The following PFKFB3 variants were observed in gnomAD, a reference collection of about 807,000 sequenced individuals.
The protein encoded by PFKFB3 is 6-phosphofructo-2-kinase/fructose-2,6-biphosphatase 3.
In PFKFB3, 33 loss-of-function variants were observed where a neutral mutation model predicts 68.0. The ratio of observed to expected loss-of-function variants is 0.49; its 90% confidence interval spans 0.37 to 0.65. PFKFB3 has a LOEUF of 0.65. PFKFB3 is among the 30% of genes least tolerant of loss of function. PFKFB3 has a pLI of 0.00. For missense variants in PFKFB3, 586 were observed against 712.2 expected (o/e 0.82, Z 2.02); for synonymous variants, 315 against 288.2 (o/e 1.09, Z -0.94).
At chr10:6,200,132 C>T (rs1243778061), upstream of PFKFB3, among the ~76,000 whole-genome samples, 1 of 152,172 alleles carries the variant, frequency 6.6e-6, no homozygotes, top group Non-Finnish European at 1.5e-5. Context: ...TCTCAACTCC[C>T]TTTACTTCTT....
At chr10:6,222,587 T>G in intron 10 of PFKFB3, 1 of 259,016 alleles carries the variant, frequency 3.9e-6, no homozygotes, top group Non-Finnish European at 7.5e-6. Flanking sequence ...GTCAGTGGAG[T>G]CAGATGCCAC....
At chr10:6,174,806 G>T (rs2131755794) in intron 1 of PFKFB3, among the ~76,000 whole-genome samples, 1 of 143,246 alleles carries the variant, frequency 7.0e-6, no homozygotes, top group East Asian at 2.1e-4. Context: ...CTTCTACTTT[G>T]TTTCTTTCTT....
In PFKFB3 at chr10:6,221,532, G is replaced by A. The variant is rs1181996277; in HGVS notation, c.978+5G>A. ...GCGCTCAATGAGATCGACGCGGTGAGTCCTGGGAGGCGGGCAGGCAGCCTC... is the reference window on the plus strand; with the variant it reads ...GCGCTCAATGAGATCGACGCGGTGAATCCTGGGAGGCGGGCAGGCAGCCTC... On this transcript the variant is annotated splice_donor_5th_base_variant and intron_variant, in intron 9 of 14. Coordinates refer to ENST00000379775, the MANE Select transcript of PFKFB3 (RefSeq NM_004566.4). 3.1e-6 allele frequency: 5 copies of A among 1,612,838 alleles called. No homozygotes were observed. Among genetic ancestry groups the A allele is most frequent in the Non-Finnish European group, 4.2e-6 (5 of 1,179,798 alleles).
downstream of PFKFB3, among the ~76,000 whole-genome samples, chr10:6,239,119 A>C (rs11257492): frequency 0.02 from 3,028 of 152,158 alleles, 41 homozygotes; most frequent in East Asian, 0.077. Context: ...GGTATTTCTG[A>C]CTTTAGGGGT....
chr10:6,245,691 A>T (rs57732349), intron 14 of PFKFB3: 29,271 of 152,132 alleles, frequency 0.19, 2,982 homozygotes, highest in Non-Finnish European at 0.21. Flanking sequence ...CGGCCTCCCA[A>T]AATGCTGGGA....
At chr10:6,302,392 T>G in the PFKFB3 span, among the ~76,000 whole-genome samples, 1,656 of 101,084 alleles carry the variant, frequency 0.016, 112 homozygotes, top group Admixed American at 0.026. Context: ...TTTTTTTTTT[T>G]TTTTTTTGAG....
At chr10:6,174,666 G>A (rs1842410698) in intron 1 of PFKFB3, among the ~76,000 whole-genome samples, 1 of 152,238 alleles carries the variant, frequency 6.6e-6, no homozygotes, top group African/African-American at 2.4e-5. Flanking sequence ...CAGTGTGCGG[G>A]CACAAAGCCC....
At chr10:6,226,454 A>G (rs529618999) in intron 14 of PFKFB3, 89 bp downstream of exon 14, 4 of 1,339,880 alleles carry the variant, frequency 3.0e-6, no homozygotes, top group Non-Finnish European at 4.1e-6. Context: ...TGTGTTTGCA[A>G]GAATACGTGC....
At chr10:6,213,340 C>T (rs371454380) in intron 1 of PFKFB3, among the ~76,000 whole-genome samples, 34 of 152,140 alleles carry the variant, frequency 2.2e-4, no homozygotes, top group Non-Finnish European at 5.9e-5. Flanking sequence ...GGCAACACAG[C>T]GAGACCCCAT....
chr10:6,324,466 G>A, the PFKFB3 span, among the ~76,000 whole-genome samples: 10 of 152,296 alleles, frequency 6.6e-5, 1 homozygote, highest in Admixed American at 5.2e-4. Context: ...TTGCTCTGTC[G>A]CTCAGGCTGG....
At chr10:6,159,406 AC>A (rs201230792) in intron 1 of PFKFB3, among the ~76,000 whole-genome samples, 1,545 of 151,702 alleles carry the variant, frequency 0.01, 65 homozygotes, top group East Asian at 0.096. Context: ...ATTAAAAAAA[AC>A]AAAAAAAAGC....
At chr10:6,299,887 T>G in the PFKFB3 span, among the ~76,000 whole-genome samples, 2 of 151,880 alleles carry the variant, frequency 1.3e-5, no homozygotes, top group African/African-American at 4.8e-5. Flanking sequence ...TCCTTCACTG[T>G]CTGCTGAACA....
In PFKFB3 at chr10:6,220,604, A is replaced by G; in HGVS notation, c.624-54A>G. 1 of 1,528,948 alleles carries G rather than the reference A, an allele frequency of 6.5e-7. No individual in the cohort carries two copies. 94.7% of individuals were successfully genotyped at this position (1,528,948 alleles called of 1,614,324 possible). On this transcript the variant is annotated intron_variant, in intron 7 of 14. Transcript: ENST00000379775. This position sits in a 1 kb window ranked among gnomAD's most constrained non-coding sequence, Gnocchi z 4.1. The stretch of plus-strand genomic sequence containing the variant: ...ACATCTTCGGAGACGGGCCAGGTGC[A>G]TCCTGCTGTGGGTGGTGGCCTGAGC...
chr10:6,305,163 T>C, the PFKFB3 span, among the ~76,000 whole-genome samples: 1 of 141,398 alleles, frequency 7.1e-6, no homozygotes, highest in Non-Finnish European at 1.5e-5. Context: ...TCTCTTACTA[T>C]TGTAAATTAA....
At chr10:6,300,238 G>A in the PFKFB3 span, among the ~76,000 whole-genome samples, 2 of 152,012 alleles carry the variant, frequency 1.3e-5, no homozygotes, top group Non-Finnish European at 1.5e-5. Context: ...GTGCACTCAA[G>A]CCACACAATG....
chr10:6,180,583 G>C (rs564004176), intron 1 of PFKFB3, among the ~76,000 whole-genome samples: 2 of 152,060 alleles, frequency 1.3e-5, no homozygotes, highest in Admixed American at 6.6e-5. Context: ...TCTTGTGTCA[G>C]CCTCCTGAGT....
intron 14 of PFKFB3, among the ~76,000 whole-genome samples, chr10:6,245,217 C>G (rs1175158463): frequency 6.6e-6 from 1 of 152,066 alleles, no homozygotes; most frequent in East Asian, 1.9e-4. Flanking sequence ...CTTCCTCAGC[C>G]TCCCGAGTAG....
At chr10:6,237,016 T>A (rs117907317), downstream of PFKFB3, among the ~76,000 whole-genome samples, 2,126 of 152,294 alleles carry the variant, frequency 0.014, 113 homozygotes, top group Admixed American at 0.086. Flanking sequence ...CTCACTCCCT[T>A]AGCTCCGGCC....
intron 1 of PFKFB3, among the ~76,000 whole-genome samples, chr10:6,204,885 G>A (rs1843582925): frequency 6.6e-6 from 1 of 152,226 alleles, no homozygotes; most frequent in African/African-American, 2.4e-5. Context: ...GTATACGAAT[G>A]CCCACGGGTC....
Sources: allele counts gnomAD v4.1 joint callset (sites outside exome capture counted in the v4.1 genomes callset), GRCh38; gene constraint gnomAD v4.1.1; non-coding constraint Gnocchi (gnomAD v3.1); transcripts MANE v1.5; gene names NCBI Gene and HGNC (gene_info 2026-07-23, HGNC 2026-07-21).